The following ATXN2 variants were observed in gnomAD, a reference collection of about 807,000 sequenced individuals.
ATXN2 encodes the protein ataxin 2, also known as ataxin-2.
ATXN2 carries 37 observed loss-of-function variants against 138.6 expected under a neutral mutation model. That is an observed-to-expected ratio of 0.27 (90% CI 0.21 to 0.35). The LOEUF is 0.35. Ranked by LOEUF, ATXN2 falls within the 10% of genes least tolerant of loss-of-function variation. The pLI is 1.00. For synonymous variants in ATXN2, 549 were observed against 543.7 expected (o/e 1.01, Z -0.13); for missense variants, 1,216 against 1,480.3 (o/e 0.82, Z 2.93).
At chr12:111,580,291 G>A (rs1030151862) in intron 1 of ATXN2, among the ~76,000 whole-genome samples, 2 of 151,806 alleles carry the variant, frequency 1.3e-5, no homozygotes, top group Non-Finnish European at 1.5e-5. Context: ...CACCAGCCTG[G>A]GCAACAGAGC....
chr12:111,510,488 T>G lies in ATXN2; in HGVS notation c.1653A>C (p.Gln551His), dbSNP rs771699299. Residue 551 changes from glutamine to histidine, a missense_variant, in exon 12 of 25, where the codon CAA becomes CAC. This residue lies in a region of ATXN2 where 215 missense variants were observed against 210.0 expected (regional missense o/e 1.02). Transcript: ENST00000673436. ...CAGCTTCAGTTGGAATAATACCAGC[T>G]TGGGGAGAAGCAAGAACTGGCCCAC... ...TPSGPVLASPQAGIIPTEAVA... is the reference protein window; with the variant it reads ...TPSGPVLASPHAGIIPTEAVA... The G allele has an allele frequency of 6.2e-7, 1 of 1,613,986 alleles. No homozygotes were observed. Among genetic ancestry groups the G allele is most frequent in the Non-Finnish European group, 8.5e-7 (1 of 1,180,014 alleles).
At chr12:111,557,114 C>T (rs1319989919) in intron 1 of ATXN2, among the ~76,000 whole-genome samples, 1 of 152,138 alleles carries the variant, frequency 6.6e-6, no homozygotes, top group Non-Finnish European at 1.5e-5. Flanking sequence ...TAAAAAACAT[C>T]ATTAAAGTGA....
chr12:111,515,194 A>T (rs1010909562), intron 10 of ATXN2, among the ~76,000 whole-genome samples: 1 of 152,210 alleles, frequency 6.6e-6, no homozygotes, highest in African/African-American at 2.4e-5. Flanking sequence ...AAAAGTAGCC[A>T]ATACAGTTTT....
intron 1 of ATXN2, among the ~76,000 whole-genome samples, chr12:111,589,258 T>G: frequency 6.6e-6 from 1 of 151,558 alleles, no homozygotes; most frequent in African/African-American, 2.4e-5. Flanking sequence ...GAGGTTGCAG[T>G]AAGCCGAGAT....
intron 1 of ATXN2, among the ~76,000 whole-genome samples, chr12:111,565,995 CAAAAAAA>C (rs879709372): frequency 1.9e-5 from 2 of 105,950 alleles, no homozygotes; most frequent in Non-Finnish European, 4.1e-5. Context: ...GATTCTGTCT[CAAAAAAA>C]AAAAAAAAAT....
Position 111,473,132 on chromosome 12 carries a change from G to A in ATXN2, c.2525-2390C>T, listed in dbSNP as rs528948853. Among the ~76,000 whole-genome samples the A allele has an allele frequency of 8.6e-5, 13 of 152,026 alleles. No homozygotes were observed. The East Asian group carries it at 2.1e-3, about 25-fold the overall frequency. ...TGCAAAATATACAAAAATTAAGCCA[G>A]GCACGGTGGTGCTTGCCTGTAGTCC... On this transcript the variant is annotated intron_variant, in intron 18 of 24. Coordinates refer to ENST00000673436, the MANE Select transcript of ATXN2 (RefSeq NM_001372574.1).
intron 1 of ATXN2, among the ~76,000 whole-genome samples, chr12:111,579,740 C>T (rs1883884876): frequency 6.6e-6 from 1 of 151,182 alleles, no homozygotes; most frequent in South Asian, 2.1e-4. Context: ...ACTATGTCAC[C>T]CAGGCTGGAG....
chr12:111,566,897 C>T (rs926136706), intron 1 of ATXN2, among the ~76,000 whole-genome samples: 1 of 152,140 alleles, frequency 6.6e-6, no homozygotes, highest in Non-Finnish European at 1.5e-5. Flanking sequence ...CTTGGCCTCC[C>T]AAAGTACTGG....
intron 10 of ATXN2, among the ~76,000 whole-genome samples, chr12:111,514,652 G>C (rs1180153263): frequency 6.6e-6 from 1 of 151,832 alleles, no homozygotes; most frequent in Non-Finnish European, 1.5e-5. Context: ...AGCCTCCCAA[G>C]TAGCTGGGTA....
At chr12:111,456,682 A>G (rs963201739) in intron 22 of ATXN2, among the ~76,000 whole-genome samples, 3 of 152,208 alleles carry the variant, frequency 2.0e-5, no homozygotes, top group African/African-American at 7.2e-5. Context: ...TTGATTTTTC[A>G]TTACTGCAAG....
At chr12:111,547,836 A>ATTT (rs34988312) in intron 5 of ATXN2, among the ~76,000 whole-genome samples, 20 of 100,224 alleles carry the variant, frequency 2.0e-4, no homozygotes, top group African/African-American at 8.8e-4. Flanking sequence ...TTGCTTGAGA[A>ATTT]TTTTTTTTTT....
Position 111,510,580 on chromosome 12 carries a change from G to T in ATXN2, c.1561C>A (p.Pro521Thr), listed in dbSNP as rs1555234346. 1 of 1,600,486 alleles carries T rather than the reference G, an allele frequency of 6.2e-7. No homozygotes were observed. The highest frequency in any genetic ancestry group is 1.1e-5 in the South Asian group (1 of 89,838). Residue 521 changes from proline to threonine, a missense_variant and splice_region_variant, in exon 12 of 25, where the codon CCA (proline) becomes ACA (threonine). Physicochemically the swap from Pro to Thr is conservative, Grantham distance 38 (BLOSUM62 -1). This residue lies in a region of ATXN2 where 215 missense variants were observed against 210.0 expected (regional missense o/e 1.02). Transcript: ENST00000673436. Reference sequence around the variant, plus strand: ...CTATGAGTTTTAGGGGATAATCTTGGAACTAGAAGAAAGGGAAAATGTATT... The same window carrying T: ...CTATGAGTTTTAGGGGATAATCTTGTAACTAGAAGAAAGGGAAAATGTATT... ...GTWSSVVSGV[P>T]RLSPKTHRPR...
chr12:111,507,571 G>A (rs1321351072), intron 14 of ATXN2, among the ~76,000 whole-genome samples: 37 of 150,936 alleles, frequency 2.5e-4, no homozygotes, highest in African/African-American at 7.3e-4. Flanking sequence ...CAGCCGCCCC[G>A]TCCGGGAGGT....
chr12:111,531,323 G>A (rs1252814225), intron 5 of ATXN2, among the ~76,000 whole-genome samples: 3 of 152,084 alleles, frequency 2.0e-5, no homozygotes, highest in East Asian at 1.9e-4. Context: ...TGAGGCAGGC[G>A]AATTGCTTGA....
intron 14 of ATXN2, among the ~76,000 whole-genome samples, chr12:111,506,637 C>A (rs1299012955): frequency 6.8e-6 from 1 of 147,782 alleles, no homozygotes. Context: ...CCTCTCCCCC[C>A]CTCCCCCTCC....
intron 8 of ATXN2, 72 bp downstream of exon 8, chr12:111,519,807 T>C (rs1880055714): frequency 6.2e-7 from 1 of 1,602,840 alleles, no homozygotes; most frequent in Admixed American, 1.7e-5. Flanking sequence ...GGAAATATAA[T>C]AACAATACAC....
At chr12:111,599,626 G>C (rs558921374), upstream of ATXN2, 3 of 1,079,754 alleles carry the variant, frequency 2.8e-6, no homozygotes, top group South Asian at 4.5e-5. Flanking sequence ...CCCCGGGGCC[G>C]GGAGGGACAC....
chr12:111,537,242 T>C (rs764851419), intron 5 of ATXN2, among the ~76,000 whole-genome samples: 10 of 152,110 alleles, frequency 6.6e-5, no homozygotes, highest in Non-Finnish European at 1.3e-4. Context: ...AAAGAAGTAC[T>C]AATACATGCT....
chr12:111,582,546 T>A (rs1406436490), intron 1 of ATXN2, among the ~76,000 whole-genome samples: 1 of 152,062 alleles, frequency 6.6e-6, no homozygotes, highest in African/African-American at 2.4e-5. Flanking sequence ...AGTTAAAGGC[T>A]GCAATAAGCC....
Sources: allele counts gnomAD v4.1 joint callset (sites outside exome capture counted in the v4.1 genomes callset), GRCh38; gene constraint gnomAD v4.1.1; regional missense constraint gnomAD v4.1.1; transcripts MANE v1.5; gene names NCBI Gene and HGNC (gene_info 2026-07-23, HGNC 2026-07-21).